Variants in SAMD8 observed in about 807,000 individuals in gnomAD.
SAMD8 encodes the protein sphingomyelin synthase-related protein 1.
In SAMD8, 20 loss-of-function variants were observed where a neutral mutation model predicts 42.0. That is an observed-to-expected ratio of 0.48 (90% CI 0.34 to 0.69). SAMD8 has a LOEUF of 0.69. SAMD8 is among the 30% of genes least tolerant of loss of function. The pLI, the probability that SAMD8 is intolerant of heterozygous loss-of-function variation, is 0.01. For synonymous variants in SAMD8, 162 were observed against 173.0 expected (o/e 0.94, Z 0.50); for missense variants, 328 against 511.6 (o/e 0.64, Z 3.46).
At chr10:75,166,598 TATC>T (rs1840687007) in intron 3 of SAMD8, among the ~76,000 whole-genome samples, 1 of 152,124 alleles carries the variant, frequency 6.6e-6, no homozygotes, top group African/African-American at 2.4e-5. Flanking sequence ...TTACTATTCT[TATC>T]ATACTTTTAG....
At position 75,168,664 on chromosome 10, in the gene SAMD8, C is replaced by T; in HGVS notation, c.792+6C>T. 1 of 1,526,742 alleles carries T rather than the reference C, an allele frequency of 6.5e-7. No individual in the cohort carries two copies. The highest frequency in any genetic ancestry group is 1.7e-4 in the Middle Eastern group (1 of 5,884). The allele number at this position is 1,526,742 out of a possible 1,614,324, so 94.6% of individuals were successfully genotyped here. The stretch of plus-strand genomic sequence containing the variant: ...ACCTGCAGTGTACTGGAAAGGTAGC[C>T]TGCTACCTTCTTTATCATTCTTGTT... On this transcript the variant is annotated splice_donor_region_variant and intron_variant, in intron 4 of 5. Transcript: ENST00000542569.
At chr10:75,133,562 C>T (rs1302564296) in intron 1 of SAMD8, among the ~76,000 whole-genome samples, 16 of 152,140 alleles carry the variant, frequency 1.1e-4, no homozygotes, top group Admixed American at 9.8e-4. Context: ...CCTAAGTGTC[C>T]GTCTACAGAT....
upstream of SAMD8, chr10:75,108,892 G>A (rs1461517491): frequency 7.4e-7 from 1 of 1,352,964 alleles, no homozygotes; most frequent in Non-Finnish European, 9.8e-7. Context: ...TCCCTGGCCT[G>A]GGATGGTCAG....
At position 75,111,679 on chromosome 10, in the gene SAMD8, C is replaced by G; in HGVS notation, c.-59C>G. The G allele has an allele frequency of 8.1e-7, 1 of 1,239,376 alleles. No homozygotes were observed. The highest frequency in any genetic ancestry group is 3.7e-5 in the South Asian group (1 of 27,104). The allele number at this position is 1,239,376 out of a possible 1,614,324, so 76.8% of individuals were successfully genotyped here. On this transcript the variant is annotated 5_prime_UTR_variant, in exon 1 of 6. Transcript: ENST00000542569. ...CCGGACTCCGACGGCGGCTCGGACG[C>G]CGACTCGGAGGTGGGTCCGGGGAGC...
At chr10:75,116,244 G>A (rs371171109) in intron 1 of SAMD8, among the ~76,000 whole-genome samples, 5 of 151,968 alleles carry the variant, frequency 3.3e-5, no homozygotes, top group African/African-American at 4.8e-5. Flanking sequence ...GACTATAGGC[G>A]TGTGCCACCA....
In SAMD8 at chr10:75,137,126, G is replaced by A. The variant is rs568690363; in HGVS notation, c.-15-13388G>A. ...CTTGAACAGATATTTGTTTACCCATGTTCAAAGCAGTATTATTCACAATAG... is the reference window on the plus strand; with the variant it reads ...CTTGAACAGATATTTGTTTACCCATATTCAAAGCAGTATTATTCACAATAG... On this transcript the variant is annotated intron_variant, in intron 1 of 5. Coordinates refer to ENST00000542569, the MANE Select transcript of SAMD8 (RefSeq NM_001174156.2). Among the ~76,000 whole-genome samples, 5 of 152,300 alleles carry A rather than the reference G, an allele frequency of 3.3e-5. No homozygotes were observed. In the South Asian group the frequency reaches 6.2e-4, roughly 19 times the overall value.
rs753587308 is a variant in SAMD8, at chr10:75,111,705, C to T, written c.-33C>T. On this transcript the variant is annotated 5_prime_UTR_variant, in exon 1 of 6. Transcript: ENST00000542569. ...CGACTCGGAGGTGGGTCCGGGGAGC[C>T]CGACTCGGACCGCGGAGGTGAGCGG... The T allele has an allele frequency of 3.2e-6, 4 of 1,234,458 alleles. No homozygotes were observed. The highest frequency in any genetic ancestry group is 1.5e-5 in the African/African-American group (1 of 64,546). The allele number at this position is 1,234,458 out of a possible 1,614,324, so 76.5% of individuals were successfully genotyped here. A position where few individuals can be genotyped will look rare whatever the true frequency, so the allele number is the denominator to read the frequency against.
intron 4 of SAMD8, among the ~76,000 whole-genome samples, chr10:75,174,515 A>G (rs1342921581): frequency 6.8e-6 from 1 of 147,186 alleles, no homozygotes; most frequent in African/African-American, 2.5e-5. Context: ...ACTCACCACA[A>G]CCTACCCCTC....
intron 1 of SAMD8, among the ~76,000 whole-genome samples, chr10:75,127,280 A>G (rs1365708058): frequency 2.0e-5 from 3 of 152,046 alleles, no homozygotes; most frequent in Non-Finnish European, 4.4e-5. Flanking sequence ...TATATTTGAG[A>G]TTTAGTTCTT....
rs182869107 is a variant in SAMD8 at position 75,179,574 on chromosome 10, C to T, written c.*2882C>T. The T allele has an allele frequency of 4.6e-5, 7 of 152,254 alleles. No individual in the cohort carries two copies. Among genetic ancestry groups the T allele is most frequent in the Admixed American group, 3.9e-4 (6 of 15,290 alleles). 9.4% of individuals were successfully genotyped at this position (152,254 alleles called of 1,614,324 possible). ...TGAGAAAAATGTAAGTTAGGTATAA[C>T]TTATTGTTTTAACTATTATAAGGCA... On this transcript the variant is annotated 3_prime_UTR_variant, in exon 6 of 6. Coordinates refer to ENST00000542569, the MANE Select transcript of SAMD8 (RefSeq NM_001174156.2).
chr10:75,166,001 AAG>A, intron 3 of SAMD8, among the ~76,000 whole-genome samples: 1 of 151,268 alleles, frequency 6.6e-6, no homozygotes, highest in East Asian at 1.9e-4. Flanking sequence ...AAAAAAAAGA[AAG>A]ATTATTTTGT....
intron 1 of SAMD8, among the ~76,000 whole-genome samples, chr10:75,103,418 T>A (rs1479701204): frequency 1.3e-5 from 2 of 152,132 alleles, no homozygotes; most frequent in African/African-American, 4.8e-5. Flanking sequence ...CCAGGGCCAC[T>A]CCCACCCTCT....
rs1047818884 is a variant in SAMD8, at chr10:75,176,931, C to T, written c.*239C>T. 6 of 427,282 alleles carry T rather than the reference C, an allele frequency of 1.4e-5. No individual in the cohort carries two copies. The highest frequency in any genetic ancestry group is 1.2e-4 in the African/African-American group (6 of 49,722). 26.5% of individuals were successfully genotyped at this position (427,282 alleles called of 1,614,324 possible). The stretch of plus-strand genomic sequence containing the variant: ...TTTCTGCCCCTTCTCTTTAGGAAGA[C>T]TTAATGTTGTGATTGAAGTCAGGCT... On this transcript the variant is annotated 3_prime_UTR_variant, in exon 6 of 6. Transcript: ENST00000542569. The surrounding 1 kb of genome is among the most constrained non-coding windows in gnomAD (Gnocchi z 4.3).
At chr10:75,100,170 G>A (rs1280147680) in intron 1 of SAMD8, among the ~76,000 whole-genome samples, 1 of 152,162 alleles carries the variant, frequency 6.6e-6, no homozygotes, top group East Asian at 1.9e-4. Flanking sequence ...GGAGCAGGCA[G>A]CCAGGCTCCA....
chr10:75,158,126 T>C (rs1840460510), intron 2 of SAMD8, among the ~76,000 whole-genome samples: 1 of 147,598 alleles, frequency 6.8e-6, no homozygotes. Flanking sequence ...ACCATTGCAC[T>C]CCAGCCTGGG....
upstream of SAMD8, chr10:75,107,868 C>T (rs1391639083): frequency 5.0e-6 from 6 of 1,206,010 alleles, no homozygotes; most frequent in Non-Finnish European, 6.9e-6. Context: ...TGAGCCACCA[C>T]ACACGGCCTA....
In SAMD8 at chr10:75,167,714, T is replaced by A. The variant is rs554730945; in HGVS notation, c.675-827T>A. Among the ~76,000 whole-genome samples, 19 of 152,250 alleles carry A rather than the reference T, an allele frequency of 1.2e-4. No individual in the cohort carries two copies. In the South Asian group the frequency reaches 2.9e-3, roughly 23 times the overall value. On this transcript the variant is annotated intron_variant, in intron 3 of 5. Coordinates refer to ENST00000542569, the MANE Select transcript of SAMD8 (RefSeq NM_001174156.2). ...CCCAAGCAACCCTCCCACCTCAGCC[T>A]CTCAAGTAGCTGGGATCACAGGTGT... is the stretch of plus-strand genomic sequence containing the variant.
chr10:75,121,802 C>T (rs935543173), intron 1 of SAMD8, among the ~76,000 whole-genome samples: 12 of 152,218 alleles, frequency 7.9e-5, no homozygotes, highest in African/African-American at 2.4e-4. Flanking sequence ...AGCGATTCTC[C>T]TGCCTCAGCC....
chr10:75,158,522 G>T (rs1211810692), intron 2 of SAMD8, among the ~76,000 whole-genome samples: 1 of 152,020 alleles, frequency 6.6e-6, no homozygotes. Flanking sequence ...AACCTAGGAG[G>T]TGGAGGTTGC....
Sources: allele counts gnomAD v4.1 joint callset (sites outside exome capture counted in the v4.1 genomes callset), GRCh38; gene constraint gnomAD v4.1.1; non-coding constraint Gnocchi (gnomAD v3.1); transcripts MANE v1.5; gene names NCBI Gene and HGNC (gene_info 2026-07-23, HGNC 2026-07-21).